The following TRAPPC9 variants were observed in gnomAD, a reference collection of about 807,000 sequenced individuals.
TRAPPC9 encodes IKK2 binding protein.
TRAPPC9 carries 83 observed loss-of-function variants against 124.0 expected under a neutral mutation model. The observed-to-expected ratio is 0.67, with a 90% confidence interval of 0.56 to 0.80. The LOEUF is 0.80. Ranked by LOEUF, TRAPPC9 falls within the 30% of genes least tolerant of loss-of-function variation. The pLI is 0.00. For missense variants in TRAPPC9, 1,302 were observed against 1,508.3 expected (o/e 0.86, Z 2.27); for synonymous variants, 638 against 617.5 (o/e 1.03, Z -0.49).
rs955530284 is a variant in TRAPPC9 at position 139,730,432 on chromosome 8, G to C, written c.*629C>G. On this transcript the variant is annotated 3_prime_UTR_variant, in exon 23 of 23. Coordinates refer to ENST00000438773, the MANE Select transcript of TRAPPC9 (RefSeq NM_001160372.4). ...CCAGACGCCACCCTGGGGCCAGGGAGCACCCAGAAACAGCCCTGGGCTGCC... is the reference window on the plus strand; with the variant it reads ...CCAGACGCCACCCTGGGGCCAGGGACCACCCAGAAACAGCCCTGGGCTGCC... 5 of 153,300 alleles carry C rather than the reference G, an allele frequency of 3.3e-5. No homozygotes were observed. Among genetic ancestry groups the C allele is most frequent in the Non-Finnish European group, 7.3e-5 (5 of 68,866 alleles). The allele number at this position is 153,300 out of a possible 1,614,324, so 9.5% of individuals were successfully genotyped here. A position where few individuals can be genotyped will look rare whatever the true frequency, so the allele number is the denominator to read the frequency against.
At chr8:140,021,638 C>T (rs1340553952) in intron 18 of TRAPPC9, among the ~76,000 whole-genome samples, 1 of 152,146 alleles carries the variant, frequency 6.6e-6, no homozygotes. Context: ...GAATTGTGCT[C>T]CATTTGTCTC....
chr8:139,872,826 G>T (rs1587055426), intron 21 of TRAPPC9, among the ~76,000 whole-genome samples: 2 of 1,490 alleles, frequency 1.3e-3, no homozygotes, highest in African/African-American at 3.3e-3. Context: ...GTGGATGGGT[G>T]GGTGGGTGGG....
intron 11 of TRAPPC9, among the ~76,000 whole-genome samples, chr8:140,295,621 C>G (rs1232173785): frequency 6.6e-6 from 1 of 152,208 alleles, no homozygotes; most frequent in African/African-American, 2.4e-5. Context: ...GCCACACCAG[C>G]CAACACACAA....
At chr8:139,950,061 G>A (rs1017758274) in intron 19 of TRAPPC9, among the ~76,000 whole-genome samples, 1 of 152,202 alleles carries the variant, frequency 6.6e-6, no homozygotes, top group African/African-American at 2.4e-5. Flanking sequence ...ATTCAAGGTA[G>A]CACGGCACCC....
chr8:139,850,177 T>C (rs1827354940), intron 21 of TRAPPC9, among the ~76,000 whole-genome samples: 1 of 152,228 alleles, frequency 6.6e-6, no homozygotes, highest in Admixed American at 6.5e-5. Context: ...CAAATGGGTA[T>C]GAGGGACTGA....
chr8:139,774,442 A>G (rs576808296), intron 21 of TRAPPC9, among the ~76,000 whole-genome samples: 98 of 152,198 alleles, frequency 6.4e-4, no homozygotes, highest in Admixed American at 2.2e-3. Flanking sequence ...ATGTGTGCAC[A>G]CCCTGGGGCA....
intron 17 of TRAPPC9, among the ~76,000 whole-genome samples, chr8:140,204,442 G>A (rs2062871746): frequency 7.2e-6 from 1 of 138,164 alleles, no homozygotes; most frequent in Non-Finnish European, 1.5e-5. Context: ...TTGGACATAG[G>A]ATGGGGAACA....
At chr8:140,227,519 T>C (rs897660526) in intron 16 of TRAPPC9, among the ~76,000 whole-genome samples, 1 of 152,262 alleles carries the variant, frequency 6.6e-6, no homozygotes, top group African/African-American at 2.4e-5. Flanking sequence ...TTCCCATTTA[T>C]AGTGCTCAAC....
intron 21 of TRAPPC9, among the ~76,000 whole-genome samples, chr8:139,826,975 G>A (rs183751629): frequency 1.3e-5 from 2 of 152,336 alleles, no homozygotes; most frequent in Non-Finnish European, 2.9e-5. Flanking sequence ...GATCAAAGAA[G>A]GGACAGACTG....
intron 17 of TRAPPC9, among the ~76,000 whole-genome samples, chr8:140,127,551 C>A (rs1304734958): frequency 6.6e-6 from 1 of 152,184 alleles, no homozygotes; most frequent in African/African-American, 2.4e-5. Flanking sequence ...CAGGAAATAT[C>A]CACGGAGCTA....
chr8:140,064,950 G>C (rs1461562409), intron 17 of TRAPPC9, among the ~76,000 whole-genome samples: 1 of 152,192 alleles, frequency 6.6e-6, no homozygotes, highest in Non-Finnish European at 1.5e-5. Context: ...CTTCTCTACA[G>C]TGAGAAGAAA....
intron 17 of TRAPPC9, among the ~76,000 whole-genome samples, chr8:140,048,564 G>A (rs1841771092): frequency 6.6e-6 from 1 of 152,122 alleles, no homozygotes; most frequent in Non-Finnish European, 1.5e-5. Flanking sequence ...GACAAGCAGA[G>A]CAAGGCTCAG....
At chr8:139,852,266 C>T (rs1401983299) in intron 21 of TRAPPC9, among the ~76,000 whole-genome samples, 1 of 152,170 alleles carries the variant, frequency 6.6e-6, no homozygotes, top group Non-Finnish European at 1.5e-5. Flanking sequence ...AAGACATGCC[C>T]AGTCTCAGGT....
At chr8:140,311,934 T>C (rs2066309727) in intron 9 of TRAPPC9, among the ~76,000 whole-genome samples, 1 of 152,162 alleles carries the variant, frequency 6.6e-6, no homozygotes, top group African/African-American at 2.4e-5. Context: ...GATAATCATG[T>C]CCGCTTCCTG....
intron 9 of TRAPPC9, among the ~76,000 whole-genome samples, chr8:140,349,386 C>G (rs1011440576): frequency 0.082 from 5,252 of 64,370 alleles, 265 homozygotes; most frequent in Middle Eastern, 0.2. Flanking sequence ...GGGCACACAG[C>G]GGGGCCGATG....
intron 19 of TRAPPC9, among the ~76,000 whole-genome samples, chr8:139,979,595 G>T (rs527458170): frequency 5.9e-5 from 9 of 152,178 alleles, no homozygotes. Context: ...CCCCTCTTTA[G>T]TAAAGACCCC....
At chr8:140,210,360 C>G (rs1331498247) in intron 17 of TRAPPC9, among the ~76,000 whole-genome samples, 15 of 152,222 alleles carry the variant, frequency 9.9e-5, no homozygotes, top group Admixed American at 9.8e-4. Context: ...AGAGGAAACT[C>G]CAGGCGCAGG....
At position 140,252,808 on chromosome 8, in the gene TRAPPC9, G is replaced by A. The variant is rs2064159840; in HGVS notation, c.2400C>T (p.Cys800=). Residue 800 remains cysteine, a synonymous_variant, in exon 16 of 23, where the codon TGC becomes TGT. Transcript: ENST00000438773. The surrounding 1 kb of genome is among the most constrained non-coding windows in gnomAD (Gnocchi z 4.2). ...TGAGATCCTGCAGGAGATTCTCCTG[G>A]CAGGAGAAATCCAGCTTCACTTTGA... ...INIKVKLDFS[C]QENLLQDLSD... 2 of 1,613,946 alleles carry A rather than the reference G, an allele frequency of 1.2e-6. No individual in the cohort carries two copies. The highest frequency in any genetic ancestry group is 2.7e-5 in the African/African-American group (2 of 74,904).
intron 17 of TRAPPC9, among the ~76,000 whole-genome samples, chr8:140,060,612 TCCTACCCATC>T (rs775541069): frequency 2.0e-5 from 3 of 150,936 alleles, no homozygotes; most frequent in Non-Finnish European, 3.0e-5. Flanking sequence ...CCCTACCTGT[TCCTACCCATC>T]CCTACCCATC....
Sources: gnomAD v4.1 joint callset for allele counts (sites outside exome capture counted in the v4.1 genomes callset) on GRCh38, gnomAD v4.1.1 for gene constraint, Gnocchi (gnomAD v3.1) non-coding constraint, MANE v1.5 for transcripts, NCBI Gene and HGNC (gene_info 2026-07-23, HGNC 2026-07-21) for gene names.